Variants in RAB5C observed in about 807,000 individuals in gnomAD.
RAB5C encodes ras-related protein Rab-5C.
Under a neutral mutation model 25.2 loss-of-function variants are expected in RAB5C, and 4 were observed. The observed-to-expected ratio is 0.16, with a 90% confidence interval of 0.08 to 0.36. The LOEUF is 0.36. Ranked by LOEUF, RAB5C falls within the 10% of genes least tolerant of loss-of-function variation. The probability of loss-of-function intolerance (pLI) is 1.00; values close to 1 mark genes in which losing one functional copy is unlikely to be tolerated. For missense variants in RAB5C, 199 were observed against 283.8 expected (o/e 0.70, Z 2.15); for synonymous variants, 100 against 106.4 (o/e 0.94, Z 0.37).
intron 1 of RAB5C, among the ~76,000 whole-genome samples, chr17:42,150,100 G>C (rs942514689): frequency 6.6e-6 from 1 of 151,950 alleles, no homozygotes; most frequent in Non-Finnish European, 1.5e-5. Context: ...GGCCAGGCTG[G>C]TCTCGAACTC....
chr17:42,129,927 C>A (rs567468293), intron 2 of RAB5C, among the ~76,000 whole-genome samples: 89 of 152,340 alleles, frequency 5.8e-4, no homozygotes, highest in Admixed American at 1.4e-3. Flanking sequence ...CACCTATCAC[C>A]CAGCTCCGAC....
chr17:42,134,064 G>A (rs1435021745), intron 1 of RAB5C, among the ~76,000 whole-genome samples: 1 of 152,086 alleles, frequency 6.6e-6, no homozygotes, highest in Non-Finnish European at 1.5e-5. Context: ...TCCAACCTTT[G>A]CAGTCAATAA....
chr17:42,142,664 CA>C (rs1456750371), intron 1 of RAB5C, among the ~76,000 whole-genome samples: 1 of 152,194 alleles, frequency 6.6e-6, no homozygotes, highest in East Asian at 1.9e-4. Context: ...GAATAGAAGG[CA>C]AAAGGCTTGT....
chr17:42,149,528 G>A (rs367911648), intron 1 of RAB5C, among the ~76,000 whole-genome samples: 1 of 152,100 alleles, frequency 6.6e-6, no homozygotes, highest in African/African-American at 2.4e-5. Context: ...GCGGAAGTAA[G>A]CCATGATCGT....
At chr17:42,145,719 G>A (rs2079631470) in intron 1 of RAB5C, among the ~76,000 whole-genome samples, 2 of 152,230 alleles carry the variant, frequency 1.3e-5, no homozygotes, top group Admixed American at 6.5e-5. Flanking sequence ...TTGCACCACT[G>A]CACTCCAGCC....
At chr17:42,153,927 C>G (rs538294133) in intron 1 of RAB5C, among the ~76,000 whole-genome samples, 1 of 152,216 alleles carries the variant, frequency 6.6e-6, no homozygotes, top group African/African-American at 2.4e-5. Flanking sequence ...GCAGACAGAC[C>G]CTGGCGTGGT....
chr17:42,143,900 C>G (rs898284319), intron 1 of RAB5C, among the ~76,000 whole-genome samples: 1 of 151,962 alleles, frequency 6.6e-6, no homozygotes, highest in African/African-American at 2.4e-5. Flanking sequence ...ATTCTCCTGC[C>G]TCAGCCACCA....
intron 1 of RAB5C, among the ~76,000 whole-genome samples, chr17:42,137,411 G>A (rs562481544): frequency 5.0e-4 from 76 of 152,040 alleles, no homozygotes; most frequent in South Asian, 5.0e-3. Context: ...CCATCGAGCT[G>A]TATTTACAAT....
chr17:42,141,896 C>T (rs1449909993), intron 1 of RAB5C, among the ~76,000 whole-genome samples: 2 of 152,144 alleles, frequency 1.3e-5, no homozygotes, highest in Admixed American at 6.5e-5. Context: ...AGCCGGACTC[C>T]TCACTTCATC....
intron 2 of RAB5C, among the ~76,000 whole-genome samples, chr17:42,129,229 C>G (rs552699149): frequency 3.5e-4 from 53 of 152,276 alleles, no homozygotes; most frequent in Non-Finnish European, 7.4e-4. Context: ...TTTGCTCCAG[C>G]CCAGGGGTGT....
At chr17:42,126,631 CAAAAAAAAAA>C (rs71357528) in intron 5 of RAB5C, 114 bp downstream of exon 5, 148 of 84,558 alleles carry the variant, frequency 1.8e-3, no homozygotes, top group African/African-American at 9.3e-3. Flanking sequence ...GACTCCATCT[CAAAAAAAAAA>C]AAAAAAAAAA....
chr17:42,154,538 A>G (rs2079693838), intron 1 of RAB5C: 1 of 152,276 alleles, frequency 6.6e-6, no homozygotes, highest in African/African-American at 2.4e-5. Context: ...GGCGACAGAC[A>G]GCACTCCCTG....
intron 1 of RAB5C, among the ~76,000 whole-genome samples, chr17:42,151,720 A>G (rs977054938): frequency 2.4e-4 from 37 of 152,186 alleles, no homozygotes; most frequent in African/African-American, 8.4e-4. Flanking sequence ...GTTCCCAGAA[A>G]AATTAATGAC....
At position 42,150,544 on chromosome 17, in the gene RAB5C, C is replaced by CAAAAA. The variant is rs759878778; in HGVS notation, c.-89+4344_-89+4348dup. ...GGGAGACAAGAGTGAAACTCCATCT[C>CAAAAA]AAAAAAAAAAAAAAAAAAAAAAAAA... On this transcript the variant is annotated intron_variant, in intron 1 of 5. Coordinates refer to ENST00000346213, the MANE Select transcript of RAB5C (RefSeq NM_004583.4). Among the ~76,000 whole-genome samples the CAAAAA allele has an allele frequency of 1.2e-3, 23 of 19,380 alleles. 4 individuals carry two copies. Among genetic ancestry groups the CAAAAA allele is most frequent in the African/African-American group, 2.6e-3 (11 of 4,222 alleles). The allele number at this position is 19,380 out of a possible 152,430, so 12.7% of individuals were successfully genotyped here.
chr17:42,132,589 G>A (rs2054496929), intron 1 of RAB5C, among the ~76,000 whole-genome samples: 1 of 152,046 alleles, frequency 6.6e-6, no homozygotes, highest in Admixed American at 6.6e-5. Context: ...GCCCAGGCTA[G>A]AGTGCAGCGG....
intron 1 of RAB5C, among the ~76,000 whole-genome samples, chr17:42,152,283 C>T (rs775566662): frequency 1.3e-5 from 2 of 152,112 alleles, no homozygotes; most frequent in Non-Finnish European, 2.9e-5. Context: ...TAACAGCCCT[C>T]TAATTGTGAG....
In RAB5C at chr17:42,125,527, G is replaced by C. The variant is rs536106050; in HGVS notation, c.*256C>G. 2 of 424,274 alleles carry C rather than the reference G, an allele frequency of 4.7e-6. No homozygotes were observed. The highest frequency in any genetic ancestry group is 6.1e-5 in the South Asian group (2 of 32,908). The allele number at this position is 424,274 out of a possible 1,614,324, so 26.3% of individuals were successfully genotyped here. A position where few individuals can be genotyped will look rare whatever the true frequency, so the allele number is the denominator to read the frequency against. ...AATGGGAGAGCAGTAGAAAGGGGAG[G>C]AAGTGGGAAGAGCAGAAGATCATAT... On this transcript the variant is annotated 3_prime_UTR_variant, in exon 6 of 6. Coordinates refer to ENST00000346213, the MANE Select transcript of RAB5C (RefSeq NM_004583.4).
rs535686559 is a variant in RAB5C at position 42,150,014 on chromosome 17, A to G, written c.-89+4879T>C. Among the ~76,000 whole-genome samples, 133 of 151,758 alleles carry G rather than the reference A, an allele frequency of 8.8e-4. 1 individual carries two copies. Among genetic ancestry groups the G allele is most frequent in the African/African-American group, 3.1e-3 (127 of 41,344 alleles). ...AGGTTCCTGCCTAAGCCTCCCAAGT[A>G]GCTGGGATTACAGGCATGTGCCACC... On this transcript the variant is annotated intron_variant, in intron 1 of 5. Transcript: ENST00000346213.
chr17:42,128,290 G>C lies in RAB5C; in HGVS notation c.412C>G (p.Leu138Val). ...VIALAGNKAD[L>V]ASKRAVEFQE... ...AATTCCACGGCTCTCTTGCTGGCCAGGTCTGCCTTGTTACCCGCGAGTGCA... is the reference window on the plus strand; with the variant it reads ...AATTCCACGGCTCTCTTGCTGGCCACGTCTGCCTTGTTACCCGCGAGTGCA... Residue 138 changes from leucine to valine, a missense_variant, in exon 4 of 6, where the codon CTG becomes GTG. This residue lies in a region of RAB5C where 154 missense variants were observed against 199.6 expected (regional missense o/e 0.77). Coordinates refer to ENST00000346213, the MANE Select transcript of RAB5C (RefSeq NM_004583.4). 1 of 1,614,032 alleles carries C rather than the reference G, an allele frequency of 6.2e-7. No individual in the cohort carries two copies. The highest frequency in any genetic ancestry group is 8.5e-7 in the Non-Finnish European group (1 of 1,179,968).
Sources: gnomAD v4.1 joint callset for allele counts (sites outside exome capture counted in the v4.1 genomes callset) on GRCh38, gnomAD v4.1.1 for gene constraint, gnomAD v4.1.1 regional missense constraint, MANE v1.5 for transcripts, NCBI Gene and HGNC (gene_info 2026-07-23, HGNC 2026-07-21) for gene names.